C1orf94: variants seen among roughly 807,000 people sequenced by gnomAD.
C1orf94 encodes the protein uncharacterized protein C1orf94.
A neutral mutation model predicts 53.6 loss-of-function variants in C1orf94; 45 were observed. The observed-to-expected ratio is 0.84, with a 90% CI of 0.66 to 1.08. The LOEUF (loss-of-function observed/expected upper bound fraction) is 1.08, where lower values mean the gene tolerates loss of function less well. Among genes scored for constraint, C1orf94 ranks in the 50% least tolerant of loss-of-function variants. The pLI is 0.00. For missense variants in C1orf94, 762 were observed against 738.9 expected (o/e 1.03, Z -0.36); for synonymous variants, 304 against 296.1 (o/e 1.03, Z -0.27).
chr1:34,217,184 C>G (rs1643003127), intron 6 of C1orf94, among the ~76,000 whole-genome samples: 1 of 152,206 alleles, frequency 6.6e-6, no homozygotes, highest in South Asian at 2.1e-4. Flanking sequence ...AACTCAAGCT[C>G]CTCCTCCTCC....
At chr1:34,174,781 G>C (rs1642197205), upstream of C1orf94, among the ~76,000 whole-genome samples, 1 of 152,144 alleles carries the variant, frequency 6.6e-6, no homozygotes, top group African/African-American at 2.4e-5. Context: ...ACTTCGTTAT[G>C]GTAGCCCTAC....
In C1orf94 at chr1:34,177,946, A is replaced by T. The variant is rs983808627; in HGVS notation, c.157A>T (p.Ile53Phe). 4 of 1,551,576 alleles carry T rather than the reference A, an allele frequency of 2.6e-6. No homozygotes were observed. Among genetic ancestry groups the T allele is most frequent in the Non-Finnish European group, 2.6e-6 (3 of 1,146,992 alleles). ...ALGPFPRYIW[I>F]HQDTPQDSLD... ...GGGCCCATTCCCCAGATACATCTGG[A>T]TCCACCAGGACACACCCCAAGACAG... Residue 53 changes from isoleucine to phenylalanine, a missense_variant, in exon 1 of 7, where the codon ATC becomes TTC. Physicochemically the swap from Ile to Phe is conservative, Grantham distance 21. Transcript: ENST00000488417.
At chr1:34,179,824 T>C (rs1227598647) in intron 1 of C1orf94, among the ~76,000 whole-genome samples, 2 of 152,216 alleles carry the variant, frequency 1.3e-5, no homozygotes, top group East Asian at 1.9e-4. Flanking sequence ...GGGGTCACTG[T>C]GGAGTCAAGT....
chr1:34,195,398 T>C (rs1642562860), intron 1 of C1orf94, among the ~76,000 whole-genome samples: 2 of 152,148 alleles, frequency 1.3e-5, no homozygotes, highest in South Asian at 4.1e-4. Context: ...CAGTGGTGCC[T>C]GGATTCAAAC....
intron 1 of C1orf94, 21 bp downstream of exon 1, chr1:34,178,130 T>C (rs546693784): frequency 8.6e-5 from 133 of 1,544,020 alleles, no homozygotes; most frequent in South Asian, 1.2e-4. Context: ...CCCTACTCCA[T>C]TGGCAGCAAG....
Position 34,212,413 on chromosome 1 carries a change from C to A in C1orf94, c.1721+7C>A. 6.2e-7 allele frequency: 1 copy of A among 1,606,804 alleles called. No homozygotes were observed. The highest frequency in any genetic ancestry group is 8.5e-7 in the Non-Finnish European group (1 of 1,176,756). On this transcript the variant is annotated splice_region_variant and intron_variant, in intron 6 of 6. Transcript: ENST00000488417. ...TCTTTCCCCAAGGATATGGGTGAGTCAGCCCACACTGGGAGCCTAAGGGTA... is the reference window on the plus strand; with the variant it reads ...TCTTTCCCCAAGGATATGGGTGAGTAAGCCCACACTGGGAGCCTAAGGGTA...
intron 4 of C1orf94, among the ~76,000 whole-genome samples, chr1:34,207,200 T>A (rs1303298285): frequency 6.6e-6 from 1 of 151,668 alleles, no homozygotes; most frequent in Non-Finnish European, 1.5e-5. Context: ...AAACTCGGGA[T>A]TGACAGGTGG....
intron 6 of C1orf94, among the ~76,000 whole-genome samples, chr1:34,213,881 T>C (rs772976263): frequency 5.3e-5 from 8 of 152,028 alleles, no homozygotes; most frequent in Non-Finnish European, 1.2e-4. Context: ...CTTCCTTCCT[T>C]CCTTCTTTCC....
chr1:34,218,443 G>A (rs929466763), intron 6 of C1orf94, among the ~76,000 whole-genome samples: 1 of 151,988 alleles, frequency 6.6e-6, no homozygotes, highest in African/African-American at 2.4e-5. Context: ...ATCTTTACAG[G>A]CTCCCAGGGA....
upstream of C1orf94, among the ~76,000 whole-genome samples, chr1:34,174,942 T>C (rs779484954): frequency 6.6e-6 from 1 of 152,206 alleles, no homozygotes; most frequent in Non-Finnish European, 1.5e-5. Flanking sequence ...TGGTAGCCAC[T>C]AGCCATATGT....
At chr1:34,185,959 C>T (rs1239013813) in intron 1 of C1orf94, among the ~76,000 whole-genome samples, 2 of 152,222 alleles carry the variant, frequency 1.3e-5, no homozygotes, top group African/African-American at 4.8e-5. Flanking sequence ...CATGTTATTC[C>T]ACTACCAGGA....
At chr1:34,172,523 A>G (rs1234819575), upstream of C1orf94, among the ~76,000 whole-genome samples, 2 of 152,224 alleles carry the variant, frequency 1.3e-5, no homozygotes. Context: ...TTAAGTATAT[A>G]CAAAGCCACC....
At chr1:34,199,169 T>A (rs1771360) in intron 2 of C1orf94, among the ~76,000 whole-genome samples, 49,281 of 152,106 alleles carry the variant, frequency 0.32, 9,253 homozygotes, top group African/African-American at 0.52. Context: ...TATGTACTTG[T>A]GTATGTGTAA....
chr1:34,185,899 C>G (rs1037757879), intron 1 of C1orf94, among the ~76,000 whole-genome samples: 4 of 152,216 alleles, frequency 2.6e-5, no homozygotes, highest in Non-Finnish European at 5.9e-5. Context: ...TGCACATGCT[C>G]TATAAACCAA....
At chr1:34,168,215 C>T (rs538984396) in intron 1 of C1orf94, among the ~76,000 whole-genome samples, 1 of 152,212 alleles carries the variant, frequency 6.6e-6, no homozygotes, top group South Asian at 2.1e-4. Context: ...CTGTTCAAGG[C>T]TGCAGTGAGC....
rs567574255 is a variant in C1orf94, at chr1:34,215,721, T to C, written c.1722-2965T>C. ...CAGCAATGCCAAAACACTAAGGTCA[T>C]TGGGCCAGGCACAGTGGCTCACGCC... On this transcript the variant is annotated intron_variant, in intron 6 of 6. Coordinates refer to ENST00000488417, the MANE Select transcript of C1orf94 (RefSeq NM_001134734.2). Among the ~76,000 whole-genome samples the C allele has an allele frequency of 1.1e-4, 16 of 152,272 alleles. No individual in the cohort carries two copies. In the South Asian group the frequency reaches 3.3e-3, roughly 32 times the overall value.
Position 34,218,995 on chromosome 1 carries a change from T to A in C1orf94, c.*234T>A. 1 of 347,438 alleles carries A rather than the reference T, an allele frequency of 2.9e-6. No homozygotes were observed. The allele number at this position is 347,438 out of a possible 1,614,324, so 21.5% of individuals were successfully genotyped here. ...CACACATGACCCTCATATTCATACT[T>A]GCTTGCTCAACCACTTATGCATCTA... On this transcript the variant is annotated 3_prime_UTR_variant, in exon 7 of 7. Coordinates refer to ENST00000488417, the MANE Select transcript of C1orf94 (RefSeq NM_001134734.2).
At chr1:34,209,276 A>T in intron 5 of C1orf94, among the ~76,000 whole-genome samples, 1 of 146,534 alleles carries the variant, frequency 6.8e-6, no homozygotes, top group Non-Finnish European at 1.5e-5. Flanking sequence ...CAGCAGAAAG[A>T]GAAATGCAAA....
At chr1:34,211,264 G>A (rs976269388) in intron 5 of C1orf94, among the ~76,000 whole-genome samples, 4 of 152,014 alleles carry the variant, frequency 2.6e-5, no homozygotes, top group Admixed American at 6.6e-5. Flanking sequence ...CCTTCTGCCC[G>A]TCTTTGCTTT....
Sources: allele counts gnomAD v4.1 joint callset (sites outside exome capture counted in the v4.1 genomes callset), GRCh38; gene constraint gnomAD v4.1.1; transcripts MANE v1.5; gene names NCBI Gene and HGNC (gene_info 2026-07-23, HGNC 2026-07-21).